GALNTL6: variants seen among roughly 807,000 people sequenced by gnomAD.
GALNTL6 encodes the protein polypeptide N-acetylgalactosaminyltransferase like 6.
GALNTL6 carries 46 observed loss-of-function variants against 73.7 expected under a neutral mutation model. The ratio of observed to expected loss-of-function variants is 0.62; its 90% confidence interval spans 0.49 to 0.80. GALNTL6 has a LOEUF of 0.80. Ranked by LOEUF, GALNTL6 falls within the 30% of genes least tolerant of loss-of-function variation. The pLI is 0.00. For missense variants in GALNTL6, 604 were observed against 755.0 expected, an observed-to-expected ratio of 0.80 and a Z score of 2.34; for synonymous variants, 259 against 263.7, an observed-to-expected ratio of 0.98 and a Z score of 0.17.
At chr4:172,876,170 C>A (rs867076685) in intron 7 of GALNTL6, among the ~76,000 whole-genome samples, 1 of 152,076 alleles carries the variant, frequency 6.6e-6, no homozygotes, top group South Asian at 2.1e-4. Context: ...ATGAAGTAAG[C>A]AGCAAAAAGC....
intron 8 of GALNTL6, among the ~76,000 whole-genome samples, chr4:172,899,497 A>G (rs1320927977): frequency 6.6e-6 from 1 of 152,100 alleles, no homozygotes; most frequent in African/African-American, 2.4e-5. Context: ...TGTTATATCA[A>G]TAGTTGTACA....
intron 2 of GALNTL6, among the ~76,000 whole-genome samples, chr4:171,959,885 T>C (rs1486305459): frequency 1.3e-5 from 2 of 152,218 alleles, no homozygotes; most frequent in Non-Finnish European, 2.9e-5. Context: ...CCAAAGGCCA[T>C]TTTAGAAGAC....
intron 3 of GALNTL6, among the ~76,000 whole-genome samples, chr4:172,278,451 C>T (rs1738911152): frequency 6.6e-6 from 1 of 152,098 alleles, no homozygotes; most frequent in African/African-American, 2.4e-5. Flanking sequence ...ACTGGGACCT[C>T]CCATTCCAAT....
chr4:172,280,482 T>G (rs1480998549), intron 3 of GALNTL6, among the ~76,000 whole-genome samples: 1 of 152,042 alleles, frequency 6.6e-6, no homozygotes, highest in Admixed American at 6.6e-5. Context: ...TAGAGAAATT[T>G]TTTTAAAATT....
chr4:172,560,448 C>T (rs1384683917), intron 5 of GALNTL6, among the ~76,000 whole-genome samples: 3 of 151,972 alleles, frequency 2.0e-5, no homozygotes, highest in Non-Finnish European at 2.9e-5. Context: ...CATGAGCCAC[C>T]ACTGCATTCC....
intron 3 of GALNTL6, among the ~76,000 whole-genome samples, chr4:172,263,027 TC>T (rs1738311603): frequency 6.6e-6 from 1 of 151,502 alleles, no homozygotes; most frequent in Non-Finnish European, 1.5e-5. Flanking sequence ...GTTACCTGAA[TC>T]TTTTGTCTCA....
intron 2 of GALNTL6, among the ~76,000 whole-genome samples, chr4:172,217,651 G>C (rs1158257494): frequency 1.3e-5 from 2 of 152,020 alleles, no homozygotes; most frequent in Admixed American, 6.6e-5. Flanking sequence ...ATATTTACAT[G>C]ATCCATCTTT....
intron 4 of GALNTL6, among the ~76,000 whole-genome samples, chr4:172,337,385 C>T (rs184458842): frequency 6.3e-4 from 96 of 152,182 alleles, no homozygotes; most frequent in Non-Finnish European, 9.6e-4. Flanking sequence ...CTATGGGCTA[C>T]GTACTTAAGT....
At position 172,797,114 on chromosome 4, in the gene GALNTL6, C is replaced by A. The variant is rs765342990; in HGVS notation, c.554-12247C>A. On this transcript the variant is annotated intron_variant, in intron 5 of 12. Transcript: ENST00000506823. The stretch of plus-strand genomic sequence containing the variant: ...AAAAACTGAAGAAAAATAATACGGC[C>A]ATTAGCATGCATGAGTCAGATACTT... Among the ~76,000 whole-genome samples the A allele has an allele frequency of 1.6e-4, 25 of 152,126 alleles. 1 individual carries two copies. The highest frequency in any genetic ancestry group is 2.9e-4 in the Non-Finnish European group (20 of 68,026).
chr4:172,857,699 G>A (rs1744189524), intron 7 of GALNTL6, among the ~76,000 whole-genome samples: 1 of 152,098 alleles, frequency 6.6e-6, no homozygotes, highest in Non-Finnish European at 1.5e-5. Flanking sequence ...AAGTTTTCTA[G>A]TCTTTTTTAA....
intron 5 of GALNTL6, among the ~76,000 whole-genome samples, chr4:172,542,918 C>G (rs1735617713): frequency 6.6e-6 from 1 of 151,860 alleles, no homozygotes; most frequent in Non-Finnish European, 1.5e-5. Context: ...TGGTGAAACC[C>G]TGTCTCTACT....
chr4:172,348,736 A>G (rs775618386), intron 5 of GALNTL6, 47 bp downstream of exon 5: 1 of 1,305,334 alleles, frequency 7.7e-7, no homozygotes, highest in Non-Finnish European at 1.1e-6. Context: ...TACCATTCAC[A>G]TAATCATTAA....
At chr4:172,055,328 T>C (rs1267351380) in intron 2 of GALNTL6, among the ~76,000 whole-genome samples, 6 of 152,138 alleles carry the variant, frequency 3.9e-5, no homozygotes, top group Admixed American at 3.3e-4. Context: ...AATTGTGTAA[T>C]ATTCTGGAAC....
intron 8 of GALNTL6, among the ~76,000 whole-genome samples, chr4:172,891,027 T>C (rs112609314): frequency 2.0e-5 from 3 of 152,218 alleles, no homozygotes; most frequent in African/African-American, 7.2e-5. Context: ...TTGTTTACCA[T>C]TTGCATAATA....
intron 3 of GALNTL6, among the ~76,000 whole-genome samples, chr4:172,265,842 G>A (rs561576472): frequency 4.6e-5 from 7 of 151,984 alleles, no homozygotes; most frequent in African/African-American, 1.7e-4. Context: ...TCCGATAAGA[G>A]GATATTAGAG....
At chr4:172,604,931 C>T (rs948387492) in intron 5 of GALNTL6, among the ~76,000 whole-genome samples, 1 of 152,186 alleles carries the variant, frequency 6.6e-6, no homozygotes, top group African/African-American at 2.4e-5. Context: ...CCCAGTGTGA[C>T]CACAGAGCAG....
intron 2 of GALNTL6, among the ~76,000 whole-genome samples, chr4:172,107,676 T>G (rs1579146030): frequency 1.3e-5 from 1 of 79,328 alleles, no homozygotes; most frequent in Non-Finnish European, 2.3e-5. Flanking sequence ...GGGCCTGTTG[T>G]GGGGTGGGGG....
At chr4:172,302,543 C>A (rs927467754) in intron 3 of GALNTL6, among the ~76,000 whole-genome samples, 2 of 152,258 alleles carry the variant, frequency 1.3e-5, no homozygotes, top group East Asian at 3.9e-4. Context: ...TTAAGGATTT[C>A]TCCACCTATC....
chr4:172,799,212 A>T, intron 5 of GALNTL6, among the ~76,000 whole-genome samples: 1 of 152,244 alleles, frequency 6.6e-6, no homozygotes. Flanking sequence ...CATGCAGGGA[A>T]GAACTGGCAC....
Sources: gnomAD v4.1 joint callset for allele counts (sites outside exome capture counted in the v4.1 genomes callset) on GRCh38, gnomAD v4.1.1 for gene constraint, MANE v1.5 for transcripts, NCBI Gene and HGNC (gene_info 2026-07-23, HGNC 2026-07-21) for gene names.